The following SCUBE1 variants were observed in gnomAD, a reference collection of about 807,000 sequenced individuals.
SCUBE1 encodes signal peptide, CUB and EGF-like domain-containing protein 1.
In SCUBE1, 59 loss-of-function variants were observed where a neutral mutation model predicts 124.4. That is an observed-to-expected ratio of 0.47 (90% CI 0.38 to 0.59). The LOEUF (loss-of-function observed/expected upper bound fraction) is 0.59. SCUBE1 is among the 20% of genes least tolerant of loss of function. The pLI is 0.00. For synonymous variants in SCUBE1, 545 were observed against 550.9 expected, an observed-to-expected ratio of 0.99 and a Z score of 0.15; for missense variants, 1,150 against 1,371.2, an observed-to-expected ratio of 0.84 and a Z score of 2.55.
rs1244889541 is a variant in SCUBE1 at position 43,234,517 on chromosome 22, G to A, written c.845-2642C>T. On this transcript the variant is annotated intron_variant, in intron 7 of 21. Transcript: ENST00000360835. This position sits in a 1 kb window ranked among gnomAD's most constrained non-coding sequence, Gnocchi z 4.4. ...AGGGGCTGTCATAGCAACCAGACAG[G>A]CAGAGGGAGGCATGTCTGCCTGAGG... Among the ~76,000 whole-genome samples the A allele has an allele frequency of 6.6e-6, 1 of 152,198 alleles. No individual in the cohort carries two copies. Among genetic ancestry groups the A allele is most frequent in the Non-Finnish European group, 1.5e-5 (1 of 68,034 alleles).
At chr22:43,224,510 G>A (rs777990268) in intron 10 of SCUBE1, among the ~76,000 whole-genome samples, 7 of 152,152 alleles carry the variant, frequency 4.6e-5, no homozygotes, top group Non-Finnish European at 8.8e-5. Context: ...ACCAGATGGC[G>A]ACACAGGCCC....
chr22:43,266,739 C>A (rs1437153041), intron 4 of SCUBE1, among the ~76,000 whole-genome samples: 1 of 152,158 alleles, frequency 6.6e-6, no homozygotes, highest in Admixed American at 6.5e-5. Context: ...GATTTGGGAA[C>A]CTGGTGCAGA....
At chr22:43,283,979 A>G (rs1261440465) in intron 4 of SCUBE1, 1 of 152,274 alleles carries the variant, frequency 6.6e-6, no homozygotes, top group East Asian at 1.9e-4. Context: ...GCAAATACTC[A>G]GAAATGAGTG....
At chr22:43,314,157 G>C (rs1474484614) in intron 3 of SCUBE1, among the ~76,000 whole-genome samples, 4 of 152,216 alleles carry the variant, frequency 2.6e-5, no homozygotes, top group South Asian at 4.1e-4. Context: ...CAACAACTCA[G>C]TGGGCCACTC....
intron 4 of SCUBE1, 104 bp from the exon 5 acceptor site, chr22:43,262,949 G>A (rs530069842): frequency 7.8e-7 from 1 of 1,283,346 alleles, no homozygotes; most frequent in East Asian, 2.4e-5. Context: ...ACAATCAAAT[G>A]GGCTGTCATT....
chr22:43,317,858 G>T (rs1926405491), intron 3 of SCUBE1, among the ~76,000 whole-genome samples: 1 of 152,140 alleles, frequency 6.6e-6, no homozygotes. Flanking sequence ...TGTTAGGGTG[G>T]GCCTAATGCA....
Position 43,291,613 on chromosome 22 carries a change from C to T in SCUBE1, c.350-433G>A, listed in dbSNP as rs374430877. Among the ~76,000 whole-genome samples, 602 of 150,752 alleles carry T rather than the reference C, an allele frequency of 4.0e-3. 4 individuals carry two copies. Among genetic ancestry groups the T allele is most frequent in the African/African-American group, 9.7e-3 (398 of 40,900 alleles). On this transcript the variant is annotated intron_variant, in intron 3 of 21. Transcript: ENST00000360835. ...GGTACGGTGGGCTCCCATGGCGCTG[C>T]GCTACAGTGGCATGGTGGGCCTCCA...
intron 1 of SCUBE1, among the ~76,000 whole-genome samples, chr22:43,339,450 C>T (rs1039310886): frequency 1.1e-4 from 16 of 151,986 alleles, no homozygotes; most frequent in Admixed American, 7.9e-4. Flanking sequence ...GCTATCAATA[C>T]GCTTGGCCTT....
At chr22:43,256,410 C>A (rs139503187) in intron 6 of SCUBE1, among the ~76,000 whole-genome samples, 1 of 152,100 alleles carries the variant, frequency 6.6e-6, no homozygotes, top group Non-Finnish European at 1.5e-5. Context: ...GGGAAATATG[C>A]GGAGACATTC....
At chr22:43,214,580 C>T (rs565374893) in intron 15 of SCUBE1, among the ~76,000 whole-genome samples, 58 of 152,366 alleles carry the variant, frequency 3.8e-4, no homozygotes, top group African/African-American at 1.3e-3. Context: ...TGCCCTCCAG[C>T]TTTAGCAAAC....
At chr22:43,257,510 A>C (rs1165674331) in intron 6 of SCUBE1, among the ~76,000 whole-genome samples, 1 of 152,196 alleles carries the variant, frequency 6.6e-6, no homozygotes, top group Admixed American at 6.5e-5. Context: ...GGAAATAGGG[A>C]CCAGGAGGAA....
chr22:43,219,941 C>T (rs1426128678), intron 14 of SCUBE1, among the ~76,000 whole-genome samples: 1 of 152,116 alleles, frequency 6.6e-6, no homozygotes, highest in African/African-American at 2.4e-5. Context: ...TTTCTTTCCA[C>T]AGCGCCCAAG....
At chr22:43,229,639 C>T (rs1922473002) in intron 8 of SCUBE1, among the ~76,000 whole-genome samples, 1 of 152,104 alleles carries the variant, frequency 6.6e-6, no homozygotes, top group Non-Finnish European at 1.5e-5. Context: ...TTCCCCATCA[C>T]CCCATGATGT....
chr22:43,306,790 C>T (rs1925985054), intron 3 of SCUBE1, among the ~76,000 whole-genome samples: 1 of 152,154 alleles, frequency 6.6e-6, no homozygotes, highest in Admixed American at 6.5e-5. Context: ...GGAGTCAAGG[C>T]CAACGTGTCT....
intron 4 of SCUBE1, among the ~76,000 whole-genome samples, chr22:43,275,171 G>A (rs1262837598): frequency 1.3e-5 from 2 of 152,188 alleles, no homozygotes; most frequent in Non-Finnish European, 2.9e-5. Context: ...TGAGGCTGGG[G>A]GTCTCTGCGC....
chr22:43,340,481 TAC>T (rs3047392), intron 1 of SCUBE1, among the ~76,000 whole-genome samples: 32,668 of 135,520 alleles, frequency 0.24, 4,082 homozygotes, highest in Admixed American at 0.29. Flanking sequence ...TTGTCTCTTT[TAC>T]ACACACACAC....
At chr22:43,236,488 G>A (rs1276678123) in intron 7 of SCUBE1, among the ~76,000 whole-genome samples, 1 of 152,228 alleles carries the variant, frequency 6.6e-6, no homozygotes, top group African/African-American at 2.4e-5. Context: ...ACTGTGGCCA[G>A]TGTCAGTTCA....
intron 10 of SCUBE1, among the ~76,000 whole-genome samples, 172 bp downstream of exon 10, chr22:43,227,202 G>A (rs1428119498): frequency 6.6e-6 from 1 of 152,162 alleles, no homozygotes; most frequent in African/African-American, 2.4e-5. Context: ...TTTTCTGCAA[G>A]TCCTCATTCC....
At position 43,298,113 on chromosome 22, in the gene SCUBE1, TG is replaced by T. The variant is rs1925633045; in HGVS notation, c.350-6934del. Among the ~76,000 whole-genome samples, 5 of 152,270 alleles carry T rather than the reference TG, an allele frequency of 3.3e-5. No individual in the cohort carries two copies. The South Asian group carries it at 8.3e-4, about 25-fold the overall frequency. On this transcript the variant is annotated intron_variant, in intron 3 of 21. Coordinates refer to ENST00000360835, the MANE Select transcript of SCUBE1 (RefSeq NM_173050.5). ...AGCCTCTTGGCTATCTAGCGGCTCTTGCAAAATTGCATTTGATGAGTTAAGT... is the reference window on the plus strand; with the variant it reads ...AGCCTCTTGGCTATCTAGCGGCTCTTCAAAATTGCATTTGATGAGTTAAGT...
Sources: allele counts gnomAD v4.1 joint callset (sites outside exome capture counted in the v4.1 genomes callset), GRCh38; gene constraint gnomAD v4.1.1; non-coding constraint Gnocchi (gnomAD v3.1); transcripts MANE v1.5; gene names NCBI Gene and HGNC (gene_info 2026-07-23, HGNC 2026-07-21).